RTCB: variants seen among roughly 807,000 people sequenced by gnomAD.
RTCB encodes RNA-splicing ligase RTCB.
A neutral mutation model predicts 58.2 loss-of-function variants in RTCB; 32 were observed. The observed-to-expected ratio is 0.55, with a 90% CI of 0.41 to 0.74. The LOEUF (loss-of-function observed/expected upper bound fraction) is 0.74, where lower values mean the gene tolerates loss of function less well. RTCB is among the 30% of genes least tolerant of loss of function. RTCB has a pLI of 0.00. For synonymous variants in RTCB, 247 were observed against 218.6 expected, an observed-to-expected ratio of 1.13 and a Z score of -1.15; for missense variants, 523 against 639.0, an observed-to-expected ratio of 0.82 and a Z score of 1.96.
Position 32,395,116 on chromosome 22 carries a change from C to T in RTCB, c.1089G>A (p.Val363=). The change falls in exon 9 of 12, where the codon GTG becomes GTA. Residue 363 remains valine (V), a synonymous_variant. Transcript: ENST00000216038. The stretch of plus-strand genomic sequence containing the variant: ...CTAACAGTGTCCGTTCCTTTCCGTC[C>T]ACCACATGCTGCTCCACTTTGGCAA... ...HNIAKVEQHV[V]DGKERTLLVH... The T allele has an allele frequency of 3.1e-6, 5 of 1,614,160 alleles. No homozygotes were observed. The highest frequency in any genetic ancestry group is 4.2e-6 in the Non-Finnish European group (5 of 1,180,032).
intron 5 of RTCB, chr22:32,401,530 T>C: frequency 2.1e-6 from 1 of 472,064 alleles, no homozygotes; most frequent in Non-Finnish European, 3.7e-6. Flanking sequence ...ATGATGTTAT[T>C]ATAAATACTA....
intron 8 of RTCB, among the ~76,000 whole-genome samples, chr22:32,395,795 C>T (rs9680552): frequency 6.6e-6 from 1 of 152,076 alleles, no homozygotes; most frequent in African/African-American, 2.4e-5. Flanking sequence ...TCCAGGTTCA[C>T]ACCATTCTGC....
Position 32,401,552 on chromosome 22 carries a change from A to C in RTCB, c.497+195T>G, listed in dbSNP as rs1249413622. On this transcript the variant is annotated intron_variant, in intron 5 of 11. Coordinates refer to ENST00000216038, the MANE Select transcript of RTCB (RefSeq NM_014306.5). ...TATTATAAATACTACTCTATGTCAA[A>C]GGCTGTTATAACATCGGTTGACTAA... 1.5e-5 allele frequency: 8 copies of C among 542,486 alleles called. No individual in the cohort carries two copies. The East Asian group carries it at 2.3e-4, about 16-fold the overall frequency. The allele number at this position is 542,486 out of a possible 1,614,324, so 33.6% of individuals were successfully genotyped here.
At chr22:32,404,531 C>T (rs1933389534) in intron 4 of RTCB, among the ~76,000 whole-genome samples, 1 of 152,174 alleles carries the variant, frequency 6.6e-6, no homozygotes, top group Non-Finnish European at 1.5e-5. Flanking sequence ...TTCGGCCTTC[C>T]CAGTAGCTAG....
rs1043274020 is a variant in RTCB at position 32,406,750 on chromosome 22, C to T, written c.252G>A (p.Gly84=). ...CATATCCTGAATGGACATCAGGAAGCCCAATAGATCGCTGAAAAAGAATTA... is the reference window on the plus strand; with the variant it reads ...CATATCCTGAATGGACATCAGGAAGTCCAATAGATCGCTGAAAAAGAATTA... The part of the protein sequence containing the change: ...ALPGIVHRSI[G]LPDVHSGYGF... The change falls in exon 4 of 12, where the codon GGG becomes GGA. Residue 84 remains glycine (G), a synonymous_variant. Transcript: ENST00000216038. 16 of 1,608,700 alleles carry T rather than the reference C, an allele frequency of 9.9e-6. No homozygotes were observed. Among genetic ancestry groups the T allele is most frequent in the African/African-American group, 2.7e-5 (2 of 74,778 alleles).
At chr22:32,410,645 G>C (rs896272738) in intron 1 of RTCB, among the ~76,000 whole-genome samples, 1 of 152,000 alleles carries the variant, frequency 6.6e-6, no homozygotes, top group Non-Finnish European at 1.5e-5. Flanking sequence ...GGCTGAGTCA[G>C]AACACCTGCC....
At chr22:32,408,598 A>T (rs1284125235) in intron 2 of RTCB, among the ~76,000 whole-genome samples, 157 bp downstream of exon 2, 2 of 152,244 alleles carry the variant, frequency 1.3e-5, no homozygotes, top group Non-Finnish European at 2.9e-5. Context: ...ACTGGCTGAC[A>T]ATGTGATCAC....
chr22:32,391,357 A>T (rs1483331039), intron 11 of RTCB, among the ~76,000 whole-genome samples: 3 of 152,070 alleles, frequency 2.0e-5, no homozygotes, highest in Admixed American at 6.6e-5. Context: ...GACTAGCTTT[A>T]AAAAAAGCAT....
chr22:32,409,732 G>A (rs1320183545), intron 1 of RTCB, among the ~76,000 whole-genome samples: 2 of 152,060 alleles, frequency 1.3e-5, no homozygotes, highest in Non-Finnish European at 2.9e-5. Flanking sequence ...TATGCATGAA[G>A]CACTGTCCTG....
In RTCB at chr22:32,396,686, G is replaced by A. The variant is rs138349343; in HGVS notation, c.815-437C>T. On this transcript the variant is annotated intron_variant, in intron 7 of 11. Coordinates refer to ENST00000216038, the MANE Select transcript of RTCB (RefSeq NM_014306.5). ...TAGTTGACACTTCGTACATCTGCTA[G>A]GTTAAATAGTCTAGAGGGTCAGGCT... Among the ~76,000 whole-genome samples the A allele has an allele frequency of 2.8e-3, 433 of 152,312 alleles. 2 individuals carry two copies. Among genetic ancestry groups the A allele is most frequent in the African/African-American group, 9.9e-3 (410 of 41,574 alleles).
rs762278833 is a variant in RTCB at position 32,401,830 on chromosome 22, A to C, written c.414T>G (p.Pro138=). Residue 138 remains proline (P), a synonymous_variant, in exon 5 of 12, where the codon CCT becomes CCG. Coordinates refer to ENST00000216038, the MANE Select transcript of RTCB (RefSeq NM_014306.5). The part of the protein sequence containing the change: ...RTNLDESDVQ[P]VKEQLAQAMF... The stretch of plus-strand genomic sequence containing the variant: ...TAGCTTGGGCAAGTTGCTCCTTCAC[A>C]GGCTGGACATCACTTTCATCTAAAT... The C allele has an allele frequency of 6.2e-7, 1 of 1,614,142 alleles. No homozygotes were observed. The highest frequency in any genetic ancestry group is 8.5e-7 in the Non-Finnish European group (1 of 1,179,974).
chr22:32,399,019 A>G (rs1013898507), intron 6 of RTCB, among the ~76,000 whole-genome samples: 23 of 152,236 alleles, frequency 1.5e-4, no homozygotes, highest in African/African-American at 5.1e-4. Context: ...CATCTAGTAT[A>G]TTCTTATCTC....
chr22:32,394,051 C>T lies in RTCB; in HGVS notation c.1180-49G>A, dbSNP rs1291680298. On this transcript the variant is annotated intron_variant, in intron 9 of 11. Coordinates refer to ENST00000216038, the MANE Select transcript of RTCB (RefSeq NM_014306.5). Reference sequence around the variant, plus strand: ...ATGTTAAAATTCAGAAAAACATAGGCTTTTTATGCATAAAATTTAAATTTT... The same window carrying T: ...ATGTTAAAATTCAGAAAAACATAGGTTTTTTATGCATAAAATTTAAATTTT... 5.6e-6 allele frequency: 7 copies of T among 1,256,730 alleles called. No individual in the cohort carries two copies. The Admixed American group carries it at 8.6e-5, about 15-fold the overall frequency. 77.8% of individuals were successfully genotyped at this position (1,256,730 alleles called of 1,614,324 possible).
In RTCB at chr22:32,412,108, T is replaced by G. The variant is rs1737206508; in HGVS notation, c.49A>C (p.Lys17Gln). The change falls in exon 1 of 12, where the codon AAA becomes CAA. Residue 17 changes from lysine to glutamine, a missense_variant. By Grantham distance (53) the Lys-to-Gln change is moderately conservative. Around this residue, in one of 3 missense-constraint regions of RTCB, gnomAD observed 134 missense variants for 129.9 expected, o/e 1.03. Coordinates refer to ENST00000216038, the MANE Select transcript of RTCB (RefSeq NM_014306.5). ...DELQFLEKIN[K>Q]NCWRIKKGFV... ...CCCTTCTTGATCCTCCAGCAGTTTT[T>G]ATTGATCTTCTCCAAGAACTGCAGC... 2 of 1,609,746 alleles carry G rather than the reference T, an allele frequency of 1.2e-6. No homozygotes were observed. The highest frequency in any genetic ancestry group is 1.3e-5 in the African/African-American group (1 of 74,882).
At chr22:32,394,434 C>T (rs997050064) in intron 9 of RTCB, among the ~76,000 whole-genome samples, 4 of 152,030 alleles carry the variant, frequency 2.6e-5, no homozygotes, top group Admixed American at 6.6e-5. Flanking sequence ...CTTCTAAACG[C>T]GCGGCTAGTA....
At chr22:32,402,648 A>C (rs1459163823) in intron 4 of RTCB, among the ~76,000 whole-genome samples, 1 of 132,326 alleles carries the variant, frequency 7.6e-6, no homozygotes, top group Non-Finnish European at 1.6e-5. Flanking sequence ...ACGGGGTTTC[A>C]CCATGTTGGC....
chr22:32,408,888 G>A, intron 1 of RTCB, 55 bp from the exon 2 acceptor site: 1 of 1,223,694 alleles, frequency 8.2e-7, no homozygotes, highest in Non-Finnish European at 1.2e-6. Flanking sequence ...GCAAGTGTAG[G>A]CACTGGACAG....
At chr22:32,406,176 C>T (rs970582696) in intron 4 of RTCB, among the ~76,000 whole-genome samples, 4 of 152,110 alleles carry the variant, frequency 2.6e-5, no homozygotes, top group Non-Finnish European at 5.9e-5. Context: ...TAAAAATATG[C>T]TTTGCTTGAA....
intron 3 of RTCB, 99 bp from the exon 4 acceptor site, chr22:32,406,860 A>G: frequency 1.3e-6 from 1 of 743,950 alleles, no homozygotes; most frequent in South Asian, 1.6e-5. Context: ...TGCAGGCTGA[A>G]GCTTTCCCTA....
Sources: gnomAD v4.1 joint callset for allele counts (sites outside exome capture counted in the v4.1 genomes callset) on GRCh38, gnomAD v4.1.1 for gene constraint, gnomAD v4.1.1 regional missense constraint, MANE v1.5 for transcripts, NCBI Gene and HGNC (gene_info 2026-07-23, HGNC 2026-07-21) for gene names.